Variants in NUP214 observed in about 807,000 individuals in gnomAD.
NUP214 encodes nucleoporin 214, also known as nuclear pore complex protein Nup214.
Under a neutral mutation model 196.2 loss-of-function variants are expected in NUP214, and 79 were observed. The ratio of observed to expected loss-of-function variants is 0.40; its 90% CI spans 0.34 to 0.49. The LOEUF (loss-of-function observed/expected upper bound fraction) is 0.49, where lower values mean the gene tolerates loss of function less well. NUP214 is among the 20% of genes least tolerant of loss of function. The pLI is 0.58. For missense variants in NUP214, 2,468 were observed against 2,539.0 expected, an observed-to-expected ratio of 0.97 and a Z score of 0.60; for synonymous variants, 1,020 against 990.5, an observed-to-expected ratio of 1.03 and a Z score of -0.56.
chr9:131,231,912 CAAAAAAAAAAA>C (rs900440054), intron 34 of NUP214, among the ~76,000 whole-genome samples: 1 of 43,958 alleles, frequency 2.3e-5, no homozygotes, highest in South Asian at 8.2e-4. Flanking sequence ...ACAACAACAG[CAAAAAAAAAAA>C]AAAAAAAAAA....
At chr9:131,140,351 G>T (rs973973491) in intron 10 of NUP214, among the ~76,000 whole-genome samples, 198 bp from the exon 11 acceptor site, 9 of 152,134 alleles carry the variant, frequency 5.9e-5, no homozygotes, top group Admixed American at 1.3e-4. Flanking sequence ...GGGTGGTGGC[G>T]ATCTGATAGC....
intron 27 of NUP214, among the ~76,000 whole-genome samples, chr9:131,193,548 T>C (rs1158910382): frequency 6.7e-6 from 1 of 148,238 alleles, no homozygotes; most frequent in Non-Finnish European, 1.5e-5. Context: ...TTTTAAAGAG[T>C]AGGTCAATGC....
chr9:131,132,079 G>T (rs1184749675), intron 5 of NUP214, among the ~76,000 whole-genome samples: 1 of 149,012 alleles, frequency 6.7e-6, no homozygotes, highest in Non-Finnish European at 1.5e-5. Context: ...ACCTATATCT[G>T]AACATGTTCA....
At chr9:131,144,222 T>G (rs1363664666) in intron 11 of NUP214, 58 bp from the exon 12 acceptor site, 1 of 1,308,500 alleles carries the variant, frequency 7.6e-7, no homozygotes, top group Non-Finnish European at 1.1e-6. Context: ...TGCTTTCTAT[T>G]ATGTGAACCT....
rs142450352 is a variant in NUP214 at position 131,132,115 on chromosome 9, C to CTTTTTTTTTTTTTTTTTTTTTTTT, written c.664-478_664-477insTTTTTTTTTTTTTTTTTTTTTTTT. On this transcript the variant is annotated intron_variant, in intron 5 of 35. Transcript: ENST00000359428. ...TGCGTTCATGCGTTTCTTTTCTTTT[C>CTTTTTTTTTTTTTTTTTTTTTTTT]TTTCTTTTTTTTTTTTTTTTGGAGA... is the stretch of plus-strand genomic sequence containing the variant. Among the ~76,000 whole-genome samples the CTTTTTTTTTTTTTTTTTTTTTTTT allele has an allele frequency of 7.4e-5, 8 of 108,174 alleles. 4 individuals carry two copies. The highest frequency in any genetic ancestry group is 7.3e-5 in the Non-Finnish European group (4 of 54,820). The allele number at this position is 108,174 out of a possible 152,430, so 71.0% of individuals were successfully genotyped here.
chr9:131,170,907 T>A (rs1021567721), intron 21 of NUP214, among the ~76,000 whole-genome samples: 8 of 151,926 alleles, frequency 5.3e-5, no homozygotes, highest in African/African-American at 1.7e-4. Flanking sequence ...GAGCACTTTC[T>A]ATAGTTCATC....
intron 17 of NUP214, among the ~76,000 whole-genome samples, chr9:131,157,702 G>A (rs1832499719): frequency 2.0e-5 from 3 of 152,176 alleles, no homozygotes; most frequent in African/African-American, 7.2e-5. Flanking sequence ...TTGGAGTGCA[G>A]TGGCATGATC....
At chr9:131,149,580 T>A (rs1431296693) in intron 14 of NUP214, among the ~76,000 whole-genome samples, 1 of 151,866 alleles carries the variant, frequency 6.6e-6, no homozygotes, top group Non-Finnish European at 1.5e-5. Context: ...GCATCCTGTG[T>A]CAAGCTGTTG....
intron 14 of NUP214, 52 bp downstream of exon 14, chr9:131,147,636 AGC>A (rs1364667620): frequency 1.6e-6 from 2 of 1,261,654 alleles, no homozygotes; most frequent in Admixed American, 1.7e-5. Context: ...TACTGCCCCA[AGC>A]ATACCTATGA....
intron 30 of NUP214, among the ~76,000 whole-genome samples, chr9:131,206,347 T>C (rs994891687): frequency 2.0e-5 from 3 of 151,706 alleles, no homozygotes; most frequent in Non-Finnish European, 2.9e-5. Context: ...GGGTTTCACA[T>C]GTTGCCCAGG....
At chr9:131,158,944 A>G (rs140600983) in intron 17 of NUP214, 2,163 of 153,916 alleles carry the variant, frequency 0.014, 22 homozygotes, top group Middle Eastern at 0.034. Context: ...ACGGGGTTTT[A>G]CCATGTTGGC....
intron 26 of NUP214, chr9:131,190,478 C>T (rs1421699380): frequency 2.9e-6 from 2 of 695,612 alleles, no homozygotes; most frequent in Non-Finnish European, 2.6e-6. Context: ...TTTCACTTGC[C>T]AGGTAATCAA....
intron 17 of NUP214, among the ~76,000 whole-genome samples, chr9:131,156,574 CTT>C (rs547605944): frequency 7.9e-6 from 1 of 125,894 alleles, no homozygotes; most frequent in Non-Finnish European, 1.7e-5. Flanking sequence ...TTTTTTTGTT[CTT>C]TTTTTTTTTG....
At position 131,136,025 on chromosome 9, in the gene NUP214, AC is replaced by A. The variant is rs1262423038; in HGVS notation, c.1005+20del. On this transcript the variant is annotated intron_variant, in intron 9 of 35. Coordinates refer to ENST00000359428, the MANE Select transcript of NUP214 (RefSeq NM_005085.4). ...TGATCAGGTAAATCTCTTTTTTGTC[AC>A]TTCTGTGGTGCTTTCTTTTTTAAAT... is the stretch of plus-strand genomic sequence containing the variant. 7 of 1,582,400 alleles carry A rather than the reference AC, an allele frequency of 4.4e-6. No homozygotes were observed. Among genetic ancestry groups the A allele is most frequent in the African/African-American group, 1.4e-5 (1 of 73,944 alleles).
intron 4 of NUP214, 41 bp from the exon 5 acceptor site, chr9:131,130,725 C>G: frequency 6.4e-7 from 1 of 1,572,734 alleles, no homozygotes; most frequent in South Asian, 1.1e-5. Flanking sequence ...TTGGTTTGCT[C>G]CATTTTCTTG....
Position 131,194,994 on chromosome 9 carries a change from C to A in NUP214, c.3660-239C>A, listed in dbSNP as rs201881918. Reference sequence around the variant, plus strand: ...CTGCTACAGAAAGCCCAGCCATCCCCCAATGGGCTCTCAACTGCTATCCCT... The same window carrying A: ...CTGCTACAGAAAGCCCAGCCATCCCACAATGGGCTCTCAACTGCTATCCCT... On this transcript the variant is annotated intron_variant, in intron 27 of 35. Transcript: ENST00000359428. Among the ~76,000 whole-genome samples, 18 of 152,344 alleles carry A rather than the reference C, an allele frequency of 1.2e-4. No homozygotes were observed. The East Asian group carries it at 3.5e-3, about 29-fold the overall frequency.
chr9:131,193,629 C>CTTTTTTTTTTTTTTTT (rs71389402), intron 27 of NUP214, among the ~76,000 whole-genome samples: 522 of 28,240 alleles, frequency 0.018, 196 homozygotes, highest in Non-Finnish European at 0.024. Flanking sequence ...TCTTCCTTTT[C>CTTTTTTTTTTTTTTTT]TTTTTTTTTT....
intron 30 of NUP214, among the ~76,000 whole-genome samples, chr9:131,209,184 G>C (rs530700632): frequency 1.3e-4 from 20 of 151,928 alleles, no homozygotes; most frequent in Non-Finnish European, 2.9e-4. Flanking sequence ...ACTAGCCTGG[G>C]CAACATGGCA....
At chr9:131,164,222 C>T (rs947813849) in intron 21 of NUP214, 78 bp downstream of exon 21, 59 of 1,299,300 alleles carry the variant, frequency 4.5e-5, no homozygotes, top group African/African-American at 2.3e-4. Flanking sequence ...CGCACATGCA[C>T]GTGTGCATGT....
Sources: allele counts gnomAD v4.1 joint callset (sites outside exome capture counted in the v4.1 genomes callset), GRCh38; gene constraint gnomAD v4.1.1; transcripts MANE v1.5; gene names NCBI Gene and HGNC (gene_info 2026-07-23, HGNC 2026-07-21).